Variants in VWDE observed in about 807,000 individuals in gnomAD.
VWDE encodes the protein von Willebrand factor D and EGF domains, also known as von Willebrand factor D and EGF domain-containing protein.
Under a neutral mutation model 178.4 loss-of-function variants are expected in VWDE, and 207 were observed. That is an observed-to-expected ratio of 1.16 (90% CI 1.04 to 1.30). The LOEUF is 1.30. Ranked by LOEUF, VWDE falls within the 50% of genes most tolerant of loss-of-function variation. VWDE has a pLI of 0.00. For synonymous variants in VWDE, 738 were observed against 651.4 expected (o/e 1.13, Z -2.02); for missense variants, 2,287 against 1,901.3 (o/e 1.20, Z -3.77).
At position 12,331,764 on chromosome 7, in the gene VWDE, C is replaced by T. The variant is rs546638282; in HGVS notation, c.4759-567G>A. The stretch of plus-strand genomic sequence containing the variant: ...TGAGGGGGTTAAACTTGCCTGAAAT[C>T]ACAGAGCAAATAAGTGGCAGGGTCA... On this transcript the variant is annotated intron_variant, in intron 28 of 28. Transcript: ENST00000275358. 5.9e-5 allele frequency among the ~76,000 whole-genome samples: 9 copies of T among 152,224 alleles called. No individual in the cohort carries two copies. The East Asian group carries it at 1.5e-3, about 26-fold the overall frequency.
chr7:12,383,953 A>C (rs1182827310), intron 3 of VWDE, among the ~76,000 whole-genome samples: 2 of 152,172 alleles, frequency 1.3e-5, no homozygotes, highest in African/African-American at 4.8e-5. Context: ...GTGGTTTCTT[A>C]CAGAACTAAA....
chr7:12,397,731 C>A (rs1583360298), intron 1 of VWDE, among the ~76,000 whole-genome samples: 1 of 152,008 alleles, frequency 6.6e-6, no homozygotes, highest in Non-Finnish European at 1.5e-5. Context: ...AAAAAACAAC[C>A]CCATTGAAAA....
chr7:12,395,840 T>C (rs1583357488), intron 1 of VWDE, among the ~76,000 whole-genome samples: 2 of 152,122 alleles, frequency 1.3e-5, no homozygotes, highest in Non-Finnish European at 2.9e-5. Flanking sequence ...TATTGATGGC[T>C]TGGGCTCTCA....
Position 12,370,803 on chromosome 7 carries a change from G to A in VWDE, c.1649C>T (p.Thr550Met), listed in dbSNP as rs559330184. 9 of 1,551,082 alleles carry A rather than the reference G, an allele frequency of 5.8e-6. No individual in the cohort carries two copies. The highest frequency in any genetic ancestry group is 2.7e-5 in the African/African-American group (2 of 73,062). ...ADLGEWGMSL[T>M]IRAPSVDYRN... ...GTAATCTACACTAGGGGCTCTGATC[G>A]TTAGACTCATGCCCCATTCACCAAG... is the stretch of plus-strand genomic sequence containing the variant. The change falls in exon 11 of 29, where the codon ACG (threonine) becomes ATG (methionine). Residue 550 changes from threonine (T) to methionine (M), a missense_variant. Coordinates refer to ENST00000275358, the MANE Select transcript of VWDE (RefSeq NM_001135924.3).
chr7:12,399,316 C>T (rs904381437), intron 1 of VWDE, among the ~76,000 whole-genome samples: 25 of 152,212 alleles, frequency 1.6e-4, no homozygotes, highest in East Asian at 5.8e-4. Flanking sequence ...GAAACATAAA[C>T]GTCTTACCAG....
In VWDE at chr7:12,331,076, A is replaced by G. The variant is rs1562452087; in HGVS notation, c.*107T>C. The G allele has an allele frequency of 2.4e-6, 2 of 818,712 alleles. No homozygotes were observed. The highest frequency in any genetic ancestry group is 3.6e-5 in the African/African-American group (2 of 56,066). The allele number at this position is 818,712 out of a possible 1,614,324, so 50.7% of individuals were successfully genotyped here. On this transcript the variant is annotated 3_prime_UTR_variant, in exon 29 of 29. Transcript: ENST00000275358. ...TATTAGTTTCTTCAGTCTTTAAGAT[A>G]TTTTTTGAATGATGTTCAAATAAAC...
intron 19 of VWDE, among the ~76,000 whole-genome samples, chr7:12,349,744 T>C (rs1781829191): frequency 6.6e-6 from 1 of 151,870 alleles, no homozygotes; most frequent in South Asian, 2.1e-4. Flanking sequence ...CCCAAATAAA[T>C]AGATAACCTT....
At chr7:12,367,182 T>G (rs6460938) in intron 13 of VWDE, among the ~76,000 whole-genome samples, 175 bp downstream of exon 13, 14,957 of 152,116 alleles carry the variant, frequency 0.098, 950 homozygotes, top group Non-Finnish European at 0.14. Context: ...GATATTTTAA[T>G]AAAGTTAACA....
chr7:12,370,082 T>A lies in VWDE; in HGVS notation c.2224A>T (p.Met742Leu), dbSNP rs116290670. Residue 742 changes from methionine to leucine, a missense_variant, in exon 12 of 29, where the codon ATG (methionine) becomes TTG (leucine). Met to Leu is a conservative substitution (Grantham distance 15). Coordinates refer to ENST00000275358, the MANE Select transcript of VWDE (RefSeq NM_001135924.3). ...CATCTGTTTTGTCGATTGTACCTCATTTCTTGGCTGTGGCTTCCCCGGCCT... is the reference window on the plus strand; with the variant it reads ...CATCTGTTTTGTCGATTGTACCTCAATTCTTGGCTGTGGCTTCCCCGGCCT... ...TQGRGSHSQE[M>L]RYNRQNRWKR... is the part of the protein sequence containing the mutation. 3.2e-6 allele frequency: 5 copies of A among 1,551,588 alleles called. No individual in the cohort carries two copies. The South Asian group carries it at 3.6e-5, about 11-fold the overall frequency.
chr7:12,372,887 T>C, intron 10 of VWDE, 90 bp downstream of exon 10: 1 of 1,291,638 alleles, frequency 7.7e-7, no homozygotes, highest in Admixed American at 2.7e-5. Flanking sequence ...CAAACTAATG[T>C]TGAAAAATGA....
At chr7:12,376,980 G>C (rs1783565908) in intron 7 of VWDE, among the ~76,000 whole-genome samples, 1 of 151,860 alleles carries the variant, frequency 6.6e-6, no homozygotes, top group African/African-American at 2.4e-5. Flanking sequence ...TAGATACCTT[G>C]TGTTTGGTAT....
At position 12,380,568 on chromosome 7, in the gene VWDE, T is replaced by C; in HGVS notation, c.707A>G (p.Lys236Arg). The change falls in exon 5 of 29, where the codon AAA becomes AGA. Residue 236 changes from lysine (K) to arginine (R), a missense_variant. Lys to Arg is a conservative substitution (Grantham distance 26). Transcript: ENST00000275358. ...AWSRLSSQEV[K>R]EELTQETTVQ... ...TGTGGTCTCTTGTGTCAGCTCCTCT[T>C]TGACTTCTTGAGAAGAAAGCCTAGA... 6.4e-7 allele frequency: 1 copy of C among 1,552,200 alleles called. No homozygotes were observed. Among genetic ancestry groups the C allele is most frequent in the East Asian group, 2.4e-5 (1 of 40,912 alleles).
Position 12,403,754 on chromosome 7 carries a change from C to G in VWDE, c.-38G>C, listed in dbSNP as rs950578487. On this transcript the variant is annotated 5_prime_UTR_variant, in exon 1 of 29. Transcript: ENST00000275358. ...AGGTGGGGCGAAAGGCGTCGCAGAG[C>G]CCGGGCCGCGGGTGCCAGGAGGATG... The G allele has an allele frequency of 2.6e-6, 4 of 1,548,582 alleles. No homozygotes were observed. Among genetic ancestry groups the G allele is most frequent in the African/African-American group, 1.4e-5 (1 of 73,140 alleles).
At chr7:12,380,419 T>C in intron 5 of VWDE, 67 bp downstream of exon 5, 2 of 1,506,996 alleles carry the variant, frequency 1.3e-6, no homozygotes, top group Non-Finnish European at 1.8e-6. Flanking sequence ...TTGGATATGA[T>C]GTTTAAAAAT....
chr7:12,337,401 C>CAAAGGAT, intron 24 of VWDE, 129 bp from the exon 25 acceptor site: 1 of 799,158 alleles, frequency 1.3e-6, no homozygotes. Flanking sequence ...TAAAAGATCA[C>CAAAGGAT]TCATTAAACC....
At chr7:12,402,273 A>G (rs978540012) in intron 1 of VWDE, among the ~76,000 whole-genome samples, 2 of 152,250 alleles carry the variant, frequency 1.3e-5, no homozygotes, top group African/African-American at 4.8e-5. Context: ...GAATATACAC[A>G]TATCTGTGAA....
intron 15 of VWDE, among the ~76,000 whole-genome samples, chr7:12,360,132 G>T (rs982478020): frequency 6.6e-6 from 1 of 152,036 alleles, no homozygotes; most frequent in African/African-American, 2.4e-5. Flanking sequence ...CAGCCAACTA[G>T]ACCAGATCTT....
intron 13 of VWDE, among the ~76,000 whole-genome samples, chr7:12,362,268 C>T (rs1037554616): frequency 1.3e-5 from 2 of 151,664 alleles, no homozygotes; most frequent in Admixed American, 6.6e-5. Context: ...CATACTGAGT[C>T]TTCATGGTGT....
intron 13 of VWDE, among the ~76,000 whole-genome samples, chr7:12,362,359 T>C (rs1017203695): frequency 2.0e-5 from 3 of 152,082 alleles, no homozygotes; most frequent in African/African-American, 7.2e-5. Context: ...ACTATCCTCA[T>C]AATAAATATT....
Sources: allele counts gnomAD v4.1 joint callset (sites outside exome capture counted in the v4.1 genomes callset), GRCh38; gene constraint gnomAD v4.1.1; transcripts MANE v1.5; gene names NCBI Gene and HGNC (gene_info 2026-07-23, HGNC 2026-07-21).